HS3ST3A1: variants seen among roughly 807,000 people sequenced by gnomAD.
HS3ST3A1 encodes heparan sulfate-glucosamine 3-sulfotransferase 3A1, also known as heparan sulfate glucosamine 3-O-sulfotransferase 3A1.
HS3ST3A1 carries 19 observed loss-of-function variants against 25.7 expected under a neutral mutation model. The observed-to-expected ratio is 0.74, with a 90% confidence interval of 0.52 to 1.08. The LOEUF is 1.08. Ranked by LOEUF, HS3ST3A1 falls within the 50% of genes least tolerant of loss-of-function variation. HS3ST3A1 has a pLI of 0.00. For missense variants in HS3ST3A1, 459 were observed against 594.3 expected (o/e 0.77, Z 2.37); for synonymous variants, 226 against 278.6 (o/e 0.81, Z 1.88).
chr17:13,504,532 C>T (rs1204126576), intron 1 of HS3ST3A1, among the ~76,000 whole-genome samples: 1 of 152,040 alleles, frequency 6.6e-6, no homozygotes, highest in Non-Finnish European at 1.5e-5. Context: ...AGGAAAAGTC[C>T]CAATTCATGA....
chr17:13,564,952 C>T (rs547434994), intron 1 of HS3ST3A1, among the ~76,000 whole-genome samples: 10 of 152,060 alleles, frequency 6.6e-5, no homozygotes, highest in East Asian at 1.9e-4. Context: ...AAACTCCTGA[C>T]CTCAAGTGAT....
chr17:13,588,238 AC>A (rs992032382), intron 1 of HS3ST3A1, among the ~76,000 whole-genome samples: 1 of 151,976 alleles, frequency 6.6e-6, no homozygotes, highest in African/African-American at 2.4e-5. Context: ...CACCCACAAA[AC>A]CTAAAGTATT....
intron 1 of HS3ST3A1, among the ~76,000 whole-genome samples, chr17:13,517,223 G>A (rs1306794558): frequency 6.6e-6 from 1 of 152,154 alleles, no homozygotes; most frequent in African/African-American, 2.4e-5. Context: ...AATATTTAGT[G>A]AATGAACGTT....
intron 1 of HS3ST3A1, among the ~76,000 whole-genome samples, chr17:13,509,334 C>A (rs550575970): frequency 6.6e-6 from 1 of 151,986 alleles, no homozygotes; most frequent in South Asian, 2.1e-4. Flanking sequence ...CAAACAAACT[C>A]GAAGGTTCAT....
chr17:13,579,306 A>T (rs1045634725), intron 1 of HS3ST3A1, among the ~76,000 whole-genome samples: 1 of 152,210 alleles, frequency 6.6e-6, no homozygotes, highest in Non-Finnish European at 1.5e-5. Flanking sequence ...CAATATTAGA[A>T]ATAACATTAC....
At chr17:13,513,851 C>T (rs1905960387) in intron 1 of HS3ST3A1, among the ~76,000 whole-genome samples, 1 of 152,010 alleles carries the variant, frequency 6.6e-6, no homozygotes, top group African/African-American at 2.4e-5. Context: ...GCTTTGGAGC[C>T]ATACTGTAAA....
At chr17:13,579,956 AAAAAAAAAAAG>A (rs1186483557) in intron 1 of HS3ST3A1, among the ~76,000 whole-genome samples, 33 of 148,500 alleles carry the variant, frequency 2.2e-4, no homozygotes, top group African/African-American at 6.8e-4. Context: ...AAAAAAAAAA[AAAAAAAAAAAG>A]AAAAAAGAAA....
At chr17:13,511,149 A>G (rs2142306654) in intron 1 of HS3ST3A1, among the ~76,000 whole-genome samples, 1 of 152,322 alleles carries the variant, frequency 6.6e-6, no homozygotes, top group South Asian at 2.1e-4. Context: ...AAGTCCCACA[A>G]TTTGGTAGTT....
intron 1 of HS3ST3A1, among the ~76,000 whole-genome samples, chr17:13,580,131 C>T (rs376282957): frequency 2.0e-5 from 3 of 151,920 alleles, no homozygotes; most frequent in Middle Eastern, 3.4e-3. Flanking sequence ...TGCCAACACA[C>T]GCATTCTTCA....
intron 1 of HS3ST3A1, among the ~76,000 whole-genome samples, chr17:13,525,057 C>A (rs1405650017): frequency 6.6e-6 from 1 of 151,988 alleles, no homozygotes; most frequent in Non-Finnish European, 1.5e-5. Flanking sequence ...TATTTTCTTT[C>A]TTTTCTGTCT....
intron 1 of HS3ST3A1, among the ~76,000 whole-genome samples, chr17:13,522,882 A>AC (rs58943999): frequency 6.6e-6 from 1 of 151,576 alleles, no homozygotes; most frequent in Non-Finnish European, 1.5e-5. Context: ...ACACACACAC[A>AC]AAGCAAGTAC....
intron 1 of HS3ST3A1, among the ~76,000 whole-genome samples, chr17:13,553,478 A>C (rs1238871049): frequency 6.6e-6 from 1 of 152,186 alleles, no homozygotes; most frequent in Non-Finnish European, 1.5e-5. Context: ...CTTCTCTCTT[A>C]GTTGAAACAA....
intron 1 of HS3ST3A1, among the ~76,000 whole-genome samples, chr17:13,526,923 G>A (rs1459850406): frequency 6.6e-6 from 1 of 152,124 alleles, no homozygotes; most frequent in Non-Finnish European, 1.5e-5. Flanking sequence ...AAAGTGCTGG[G>A]ATTATAGGCG....
chr17:13,533,053 A>G (rs1567616362), intron 1 of HS3ST3A1, among the ~76,000 whole-genome samples: 1 of 152,060 alleles, frequency 6.6e-6, no homozygotes, highest in Non-Finnish European at 1.5e-5. Flanking sequence ...AAAGGACAAC[A>G]GCACCTGCTC....
intron 1 of HS3ST3A1, among the ~76,000 whole-genome samples, chr17:13,570,068 T>C (rs1018124402): frequency 6.6e-6 from 1 of 152,202 alleles, no homozygotes; most frequent in Non-Finnish European, 1.5e-5. Flanking sequence ...CCTTTCAAAA[T>C]CCTCTTATAG....
intron 1 of HS3ST3A1, among the ~76,000 whole-genome samples, chr17:13,546,290 G>A (rs3785707): frequency 0.39 from 58,949 of 151,442 alleles, 12,433 homozygotes; most frequent in African/African-American, 0.56. Flanking sequence ...TTTTTTTGAC[G>A]GAGTCTCACT....
chr17:13,514,722 C>A (rs921818588), intron 1 of HS3ST3A1, among the ~76,000 whole-genome samples: 1 of 151,986 alleles, frequency 6.6e-6, no homozygotes. Flanking sequence ...TTGCCAGAGA[C>A]GAGGAGAGGG....
In HS3ST3A1 at chr17:13,592,431, G is replaced by T. The variant is rs190965339; in HGVS notation, c.599+8100C>A. Among the ~76,000 whole-genome samples, 203 of 152,194 alleles carry T rather than the reference G, an allele frequency of 1.3e-3. 1 individual carries two copies. The highest frequency in any genetic ancestry group is 4.4e-3 in the African/African-American group (183 of 41,522). On this transcript the variant is annotated intron_variant, in intron 1 of 1. Coordinates refer to ENST00000284110, the MANE Select transcript of HS3ST3A1 (RefSeq NM_006042.3). ...TGATAGATTTCATCAAAGATATACCGCGGGGTCCAATTATTTTGCTATTTT... is the reference window on the plus strand; with the variant it reads ...TGATAGATTTCATCAAAGATATACCTCGGGGTCCAATTATTTTGCTATTTT...
At chr17:13,588,125 A>C (rs1468605070) in intron 1 of HS3ST3A1, among the ~76,000 whole-genome samples, 1 of 152,208 alleles carries the variant, frequency 6.6e-6, no homozygotes, top group African/African-American at 2.4e-5. Flanking sequence ...GTTTGGGTCA[A>C]TAAAGTTTTA....
Sources: gnomAD v4.1 joint callset for allele counts (sites outside exome capture counted in the v4.1 genomes callset) on GRCh38, gnomAD v4.1.1 for gene constraint, MANE v1.5 for transcripts, NCBI Gene and HGNC (gene_info 2026-07-23, HGNC 2026-07-21) for gene names.